Variants in MACROD2 observed in about 807,000 individuals in gnomAD.
MACROD2 encodes mono-ADP ribosylhydrolase 2, also known as ADP-ribose glycohydrolase MACROD2.
A neutral mutation model predicts 70.4 loss-of-function variants in MACROD2; 36 were observed. The ratio of observed to expected loss-of-function variants is 0.51; its 90% CI spans 0.39 to 0.68. The LOEUF (loss-of-function observed/expected upper bound fraction) is 0.68, where lower values mean the gene tolerates loss of function less well. MACROD2 is among the 30% of genes least tolerant of loss of function. The pLI, the probability that MACROD2 is intolerant of heterozygous loss-of-function variation, is 0.00. For missense variants in MACROD2, 496 were observed against 538.4 expected (o/e 0.92, Z 0.78); for synonymous variants, 172 against 178.8 (o/e 0.96, Z 0.30).
At chr20:14,883,050 A>G (rs1293047346) in intron 5 of MACROD2, among the ~76,000 whole-genome samples, 1 of 152,172 alleles carries the variant, frequency 6.6e-6, no homozygotes, top group African/African-American at 2.4e-5. Context: ...ATGAGTAATG[A>G]TGGTAATACT....
intron 12 of MACROD2, among the ~76,000 whole-genome samples, chr20:15,950,682 T>A (rs746099694): frequency 8.5e-5 from 13 of 152,216 alleles, no homozygotes; most frequent in Non-Finnish European, 1.5e-4. Flanking sequence ...GTGGGGCTCT[T>A]GCTCAGATAT....
chr20:14,710,545 G>A (rs983016872), intron 5 of MACROD2, among the ~76,000 whole-genome samples: 1 of 152,102 alleles, frequency 6.6e-6, no homozygotes, highest in Non-Finnish European at 1.5e-5. Context: ...CAATAAATAC[G>A]GAATAGTAGC....
At chr20:15,132,167 C>G (rs1244299672) in intron 5 of MACROD2, among the ~76,000 whole-genome samples, 1 of 151,858 alleles carries the variant, frequency 6.6e-6, no homozygotes, top group African/African-American at 2.4e-5. Context: ...CACAATGTGA[C>G]TATAATTGTA....
chr20:15,977,679 T>C (rs1303162215), intron 13 of MACROD2, among the ~76,000 whole-genome samples: 1 of 152,174 alleles, frequency 6.6e-6, no homozygotes, highest in African/African-American at 2.4e-5. Context: ...TCTCTTAATC[T>C]GGTAAGAGAG....
chr20:16,007,767 C>A (rs1272653777), intron 15 of MACROD2, among the ~76,000 whole-genome samples: 2 of 152,154 alleles, frequency 1.3e-5, no homozygotes, highest in South Asian at 4.1e-4. Flanking sequence ...ACCCAGCATC[C>A]TTTCCACCCT....
chr20:14,501,292 A>G (rs2084911979), intron 4 of MACROD2, among the ~76,000 whole-genome samples: 2 of 152,112 alleles, frequency 1.3e-5, no homozygotes, highest in Admixed American at 1.3e-4. Context: ...AAAGAGGGAA[A>G]GCCTATTGTT....
intron 2 of MACROD2, among the ~76,000 whole-genome samples, chr20:14,070,134 T>C (rs1370587932): frequency 1.3e-5 from 2 of 152,012 alleles, no homozygotes; most frequent in South Asian, 2.1e-4. Flanking sequence ...TTGGAAGGGA[T>C]TTTTGCACAG....
At position 15,605,453 on chromosome 20, in the gene MACROD2, CGTGTGTGTGTGTGTGTGT is replaced by C. The variant is rs57584580; in HGVS notation, c.645+105625_645+105642del. ...TCAGTTAGAAAAAACAGGATGTAAGCGTGTGTGTGTGTGTGTGTGTGTGTGTGTGTGTGTGTATCAGTG... is the reference window on the plus strand; with the variant it reads ...TCAGTTAGAAAAAACAGGATGTAAGCGTGTGTGTGTGTGTGTGTATCAGTG... On this transcript the variant is annotated intron_variant, in intron 8 of 17. Transcript: ENST00000684519. Among the ~76,000 whole-genome samples the C allele has an allele frequency of 1.6e-3, 222 of 141,786 alleles. 1 individual carries two copies. The highest frequency in any genetic ancestry group is 5.7e-3 in the African/African-American group (215 of 37,954). 93.0% of individuals were successfully genotyped at this position (141,786 alleles called of 152,430 possible).
chr20:14,677,341 T>C (rs1190102333), intron 4 of MACROD2, among the ~76,000 whole-genome samples: 3 of 152,228 alleles, frequency 2.0e-5, no homozygotes, highest in Non-Finnish European at 4.4e-5. Flanking sequence ...ACAATTCCCC[T>C]CAAGCATAAC....
chr20:15,590,772 G>C (rs932687106), intron 8 of MACROD2, among the ~76,000 whole-genome samples: 4 of 151,728 alleles, frequency 2.6e-5, no homozygotes, highest in Admixed American at 2.0e-4. Flanking sequence ...CCAGCTACTC[G>C]GGAGGCATGA....
chr20:15,505,714 A>G (rs2047417897), intron 8 of MACROD2, among the ~76,000 whole-genome samples: 2 of 152,124 alleles, frequency 1.3e-5, no homozygotes, highest in Non-Finnish European at 2.9e-5. Context: ...TTCATCTTTG[A>G]AGGCCTTTGG....
chr20:15,088,400 TATATATA>T (rs1568567264), intron 5 of MACROD2, among the ~76,000 whole-genome samples: 1,057 of 7,354 alleles, frequency 0.14, 15 homozygotes, highest in Middle Eastern at 0.42. Flanking sequence ...CTATATTTTA[TATATATA>T]TATATATATA....
intron 3 of MACROD2, among the ~76,000 whole-genome samples, chr20:14,384,282 G>A (rs940642853): frequency 4.6e-5 from 7 of 151,984 alleles, no homozygotes; most frequent in African/African-American, 1.4e-4. Context: ...TGAAAAATGC[G>A]GTATCACTTG....
chr20:14,988,355 C>CAA (rs11087116), intron 5 of MACROD2, among the ~76,000 whole-genome samples: 2,355 of 111,164 alleles, frequency 0.021, 102 homozygotes, highest in African/African-American at 0.06. Flanking sequence ...GAGACTCTGT[C>CAA]AAAAAAAAAA....
chr20:14,498,730 G>A (rs776189306), intron 4 of MACROD2, among the ~76,000 whole-genome samples: 23 of 152,214 alleles, frequency 1.5e-4, no homozygotes, highest in Admixed American at 5.2e-4. Context: ...GAAGAGCAAT[G>A]TGTTTAAAGG....
At chr20:14,495,468 C>A (rs1308271766) in intron 4 of MACROD2, among the ~76,000 whole-genome samples, 2 of 152,294 alleles carry the variant, frequency 1.3e-5, no homozygotes, top group East Asian at 3.9e-4. Flanking sequence ...GGACAGTATT[C>A]ATTCCTAGCA....
At chr20:15,105,885 A>C (rs1402668108) in intron 5 of MACROD2, among the ~76,000 whole-genome samples, 1 of 152,134 alleles carries the variant, frequency 6.6e-6, no homozygotes. Flanking sequence ...ACGACAATTG[A>C]ACAGCGTGGT....
At chr20:14,630,840 T>C (rs1016165528) in intron 4 of MACROD2, among the ~76,000 whole-genome samples, 3 of 152,206 alleles carry the variant, frequency 2.0e-5, no homozygotes, top group African/African-American at 7.2e-5. Flanking sequence ...TCTACAGATC[T>C]TTATTTGAAT....
intron 8 of MACROD2, among the ~76,000 whole-genome samples, chr20:15,757,604 T>C (rs6043520): frequency 0.5 from 75,515 of 152,052 alleles, 19,663 homozygotes; most frequent in African/African-American, 0.66. Context: ...GCTACTATAA[T>C]AAAATACAAT....
Sources: allele counts gnomAD v4.1 joint callset (sites outside exome capture counted in the v4.1 genomes callset), GRCh38; gene constraint gnomAD v4.1.1; transcripts MANE v1.5; gene names NCBI Gene and HGNC (gene_info 2026-07-23, HGNC 2026-07-21).